Variants in HS3ST3A1 observed in about 807,000 individuals in gnomAD.
HS3ST3A1 encodes heparan sulfate glucosamine 3-O-sulfotransferase 3A1.
A neutral mutation model predicts 25.7 loss-of-function variants in HS3ST3A1; 19 were observed. The ratio of observed to expected loss-of-function variants is 0.74; its 90% CI spans 0.52 to 1.08. HS3ST3A1 has a LOEUF of 1.08. Among genes scored for constraint, HS3ST3A1 ranks in the 50% least tolerant of loss-of-function variants. The probability of loss-of-function intolerance (pLI) is 0.00; values close to 1 mark genes in which losing one functional copy is unlikely to be tolerated. For missense variants in HS3ST3A1, 459 were observed against 594.3 expected (o/e 0.77, Z 2.37); for synonymous variants, 226 against 278.6 (o/e 0.81, Z 1.88).
intron 1 of HS3ST3A1, among the ~76,000 whole-genome samples, chr17:13,506,920 T>C (rs1324478450): frequency 9.5e-5 from 13 of 137,222 alleles, no homozygotes; most frequent in African/African-American, 3.6e-4. Context: ...AAAAAAAAAA[T>C]TAGCCAGGCC....
At chr17:13,572,275 T>G (rs1407639298) in intron 1 of HS3ST3A1, among the ~76,000 whole-genome samples, 1 of 152,100 alleles carries the variant, frequency 6.6e-6, no homozygotes, top group Non-Finnish European at 1.5e-5. Flanking sequence ...TAATACTGAG[T>G]CCTAAAGAAG....
At chr17:13,582,146 A>G (rs952049154) in intron 1 of HS3ST3A1, among the ~76,000 whole-genome samples, 2 of 152,206 alleles carry the variant, frequency 1.3e-5, no homozygotes, top group African/African-American at 4.8e-5. Flanking sequence ...AAAAGGGGAA[A>G]CAACTCGTTT....
intron 1 of HS3ST3A1, among the ~76,000 whole-genome samples, chr17:13,502,984 T>C (rs1049334101): frequency 2.6e-5 from 4 of 151,014 alleles, no homozygotes; most frequent in Non-Finnish European, 4.4e-5. Context: ...AGCGAGACCA[T>C]CCTGGCCAAC....
rs2142389945 is a variant in HS3ST3A1, at chr17:13,588,214, G to A, written c.599+12317C>T. Among the ~76,000 whole-genome samples, 3 of 151,842 alleles carry A rather than the reference G, an allele frequency of 2.0e-5. 1 individual carries two copies. The Middle Eastern group carries it at 0.01, about 516-fold the overall frequency. ...TATACAAGCAGAATTGAGTGGTTGTGATAAACACTGTACCACCCACAAAAC... is the reference window on the plus strand; with the variant it reads ...TATACAAGCAGAATTGAGTGGTTGTAATAAACACTGTACCACCCACAAAAC... On this transcript the variant is annotated intron_variant, in intron 1 of 1. Coordinates refer to ENST00000284110, the MANE Select transcript of HS3ST3A1 (RefSeq NM_006042.3).
At chr17:13,594,079 T>C (rs1908511549) in intron 1 of HS3ST3A1, among the ~76,000 whole-genome samples, 2 of 152,192 alleles carry the variant, frequency 1.3e-5, no homozygotes, top group Admixed American at 1.3e-4. Context: ...AAAATGCCCC[T>C]CAATCAGTGT....
intron 1 of HS3ST3A1, among the ~76,000 whole-genome samples, chr17:13,544,864 C>T (rs569755624): frequency 4.0e-5 from 6 of 151,886 alleles, no homozygotes; most frequent in African/African-American, 1.4e-4. Context: ...CTCAATTGGG[C>T]GTTGTGCTAA....
chr17:13,559,331 T>C (rs1907463436), intron 1 of HS3ST3A1, among the ~76,000 whole-genome samples: 1 of 152,136 alleles, frequency 6.6e-6, no homozygotes, highest in South Asian at 2.1e-4. Context: ...GACACACCTC[T>C]TCAAGCATCT....
chr17:13,561,636 A>T lies in HS3ST3A1; in HGVS notation c.599+38895T>A, dbSNP rs561188722. Among the ~76,000 whole-genome samples, 61 of 152,092 alleles carry T rather than the reference A, an allele frequency of 4.0e-4. 1 individual carries two copies. In the South Asian group the frequency reaches 0.013, roughly 32 times the overall value. ...CTCGAACTCCTGACCTCGTGATCCA[A>T]CCACCTTGGCCTCCCAAAGTGCTGG... On this transcript the variant is annotated intron_variant, in intron 1 of 1. Transcript: ENST00000284110.
rs141577180 is a variant in HS3ST3A1 at position 13,518,846 on chromosome 17, C to T, written c.600-22028G>A. On this transcript the variant is annotated intron_variant, in intron 1 of 1. Coordinates refer to ENST00000284110, the MANE Select transcript of HS3ST3A1 (RefSeq NM_006042.3). The stretch of plus-strand genomic sequence containing the variant: ...GCAGAGCCATCTGGTCGACCCACAG[C>T]TGACCACAGACACATAAGCAAGGCC... Among the ~76,000 whole-genome samples the T allele has an allele frequency of 7.2e-5, 11 of 152,344 alleles. No individual in the cohort carries two copies. In the East Asian group the frequency reaches 1.5e-3, roughly 21 times the overall value.
At chr17:13,522,783 T>C (rs1261882613) in intron 1 of HS3ST3A1, among the ~76,000 whole-genome samples, 1 of 151,372 alleles carries the variant, frequency 6.6e-6, no homozygotes, top group African/African-American at 2.4e-5. Flanking sequence ...TATTTAATGA[T>C]ACCAAAGCTG....
In HS3ST3A1 at chr17:13,577,918, C is replaced by T. The variant is rs975050813; in HGVS notation, c.599+22613G>A. On this transcript the variant is annotated intron_variant, in intron 1 of 1. Coordinates refer to ENST00000284110, the MANE Select transcript of HS3ST3A1 (RefSeq NM_006042.3). ...AAGAATTCTTAGAATAGCTCTTAATCTAGAACCCAATCAAAACGGGCATCT... is the reference window on the plus strand; with the variant it reads ...AAGAATTCTTAGAATAGCTCTTAATTTAGAACCCAATCAAAACGGGCATCT... Among the ~76,000 whole-genome samples the T allele has an allele frequency of 3.3e-5, 5 of 151,820 alleles. No homozygotes were observed. In the South Asian group the frequency reaches 6.3e-4, roughly 19 times the overall value.
At chr17:13,568,708 C>A (rs1180312908) in intron 1 of HS3ST3A1, among the ~76,000 whole-genome samples, 1 of 152,162 alleles carries the variant, frequency 6.6e-6, no homozygotes, top group African/African-American at 2.4e-5. Context: ...ACTGAAATTT[C>A]TAACTGTGTT....
chr17:13,506,020 T>G (rs1289622524), intron 1 of HS3ST3A1, among the ~76,000 whole-genome samples: 4 of 122,478 alleles, frequency 3.3e-5, no homozygotes, highest in Non-Finnish European at 6.6e-5. Flanking sequence ...GAGCAAGACT[T>G]CATCTCAAAA....
chr17:13,548,457 A>G (rs1349688184), intron 1 of HS3ST3A1, among the ~76,000 whole-genome samples: 1 of 152,210 alleles, frequency 6.6e-6, no homozygotes, highest in African/African-American at 2.4e-5. Flanking sequence ...AAGGGCTTCA[A>G]TGTATGAATT....
intron 1 of HS3ST3A1, among the ~76,000 whole-genome samples, chr17:13,540,823 G>T (rs1002846592): frequency 6.6e-6 from 1 of 152,202 alleles, no homozygotes; most frequent in Non-Finnish European, 1.5e-5. Context: ...AAAGGGAAAG[G>T]CAGAAGGGAT....
intron 1 of HS3ST3A1, among the ~76,000 whole-genome samples, chr17:13,566,622 G>A (rs575223602): frequency 3.3e-5 from 5 of 152,282 alleles, no homozygotes; most frequent in African/African-American, 1.2e-4. Flanking sequence ...AGTTCTTAAA[G>A]GAAACAAACG....
chr17:13,581,110 A>G (rs575693188), intron 1 of HS3ST3A1, among the ~76,000 whole-genome samples: 6 of 152,226 alleles, frequency 3.9e-5, no homozygotes, highest in Non-Finnish European at 8.8e-5. Flanking sequence ...TAATATTAAT[A>G]TATTAATTCC....
chr17:13,503,203 A>G (rs1398209877), intron 1 of HS3ST3A1, among the ~76,000 whole-genome samples: 1 of 151,096 alleles, frequency 6.6e-6, no homozygotes, highest in East Asian at 1.9e-4. Flanking sequence ...AAAAAAAAAG[A>G]GCTCCTATAA....
chr17:13,541,522 C>T (rs1405255410), intron 1 of HS3ST3A1, among the ~76,000 whole-genome samples: 6 of 152,172 alleles, frequency 3.9e-5, no homozygotes, highest in Non-Finnish European at 8.8e-5. Context: ...TTCCCAAACA[C>T]ATTCTAATAA....
Sources: allele counts gnomAD v4.1 joint callset (sites outside exome capture counted in the v4.1 genomes callset), GRCh38; gene constraint gnomAD v4.1.1; transcripts MANE v1.5; gene names NCBI Gene and HGNC (gene_info 2026-07-23, HGNC 2026-07-21).